FAIM2: variants seen among roughly 807,000 people sequenced by gnomAD.
The protein encoded by FAIM2 is protein lifeguard 2.
Under a neutral mutation model 47.4 loss-of-function variants are expected in FAIM2, and 27 were observed. The observed-to-expected ratio is 0.57, with a 90% CI of 0.42 to 0.78. The LOEUF (loss-of-function observed/expected upper bound fraction) is 0.78, where lower values mean the gene tolerates loss of function less well. Ranked by LOEUF, FAIM2 falls within the 30% of genes least tolerant of loss-of-function variation. The probability of loss-of-function intolerance (pLI) is 0.00; values close to 1 mark genes in which losing one functional copy is unlikely to be tolerated. For missense variants in FAIM2, 311 were observed against 389.4 expected, an observed-to-expected ratio of 0.80 and a Z score of 1.69; for synonymous variants, 156 against 159.3, an observed-to-expected ratio of 0.98 and a Z score of 0.16.
intron 2 of FAIM2, among the ~76,000 whole-genome samples, chr12:49,899,697 G>A (rs1175410161): frequency 9.9e-5 from 15 of 152,206 alleles, no homozygotes; most frequent in Non-Finnish European, 2.2e-4. Flanking sequence ...GGTTAGGTAA[G>A]GTGCTGAGGC....
chr12:49,879,274 ATATGTGTG>A lies in FAIM2; in HGVS notation c.801+8104_801+8111del, dbSNP rs749208534. Among the ~76,000 whole-genome samples, 159 of 51,450 alleles carry A rather than the reference ATATGTGTG, an allele frequency of 3.1e-3. 21 individuals are homozygous for A. The highest frequency in any genetic ancestry group is 8.2e-3 in the South Asian group (12 of 1,472). The allele number at this position is 51,450 out of a possible 152,430, so 33.8% of individuals were successfully genotyped here. A position where few individuals can be genotyped will look rare whatever the true frequency, so the allele number is the denominator to read the frequency against. ...TGCATGTGTGTATGTGTGCATGTGT[ATATGTGTG>A]TATGTGTGTGGGTATGTGTATGCAT... On this transcript the variant is annotated intron_variant, in intron 11 of 11. Transcript: ENST00000320634.
At chr12:49,875,908 G>A (rs570346246) in intron 11 of FAIM2, among the ~76,000 whole-genome samples, 53 of 152,202 alleles carry the variant, frequency 3.5e-4, no homozygotes, top group Middle Eastern at 3.4e-3. Context: ...CCCGGGAAGC[G>A]GAGGTTCCAG....
intron 11 of FAIM2, among the ~76,000 whole-genome samples, chr12:49,871,030 G>A (rs1946699084): frequency 6.6e-6 from 1 of 152,188 alleles, no homozygotes; most frequent in African/African-American, 2.4e-5. Context: ...AAGGCTTCCT[G>A]GGAGAGGGGA....
chr12:49,878,887 T>C (rs116857001), intron 11 of FAIM2, among the ~76,000 whole-genome samples: 17,855 of 116,300 alleles, frequency 0.15, 3,283 homozygotes, highest in African/African-American at 0.21. Context: ...TGTATGCATG[T>C]GTATATGTGC....
intron 7 of FAIM2, 126 bp from the exon 8 acceptor site, chr12:49,890,280 A>C (rs1420181718): frequency 2.1e-5 from 17 of 802,304 alleles, no homozygotes; most frequent in Middle Eastern, 2.3e-4. Context: ...TGTCACCCCC[A>C]CACACACTGA....
rs1946723186 is a variant in FAIM2, at chr12:49,874,526, C to A, written c.802-3873G>T. Reference sequence around the variant, plus strand: ...GCCAGTGCTAAACCTGGCCGGGGACCCCAGCCACACATTTGGCCTGACCCT... The same window carrying A: ...GCCAGTGCTAAACCTGGCCGGGGACACCAGCCACACATTTGGCCTGACCCT... On this transcript the variant is annotated intron_variant, in intron 11 of 11. Coordinates refer to ENST00000320634, the MANE Select transcript of FAIM2 (RefSeq NM_012306.4). This position sits in a 1 kb window ranked among gnomAD's most constrained non-coding sequence, Gnocchi z 4.2. Among the ~76,000 whole-genome samples the A allele has an allele frequency of 6.6e-6, 1 of 152,166 alleles. No homozygotes were observed. The highest frequency in any genetic ancestry group is 2.1e-4 in the South Asian group (1 of 4,820).
At chr12:49,885,276 G>A (rs548469151) in intron 11 of FAIM2, among the ~76,000 whole-genome samples, 2 of 152,166 alleles carry the variant, frequency 1.3e-5, no homozygotes, top group African/African-American at 4.8e-5. Context: ...CCTGATCCAC[G>A]GGAAGCCAAG....
intron 11 of FAIM2, among the ~76,000 whole-genome samples, chr12:49,879,706 G>A (rs117964043): frequency 8.7e-5 from 13 of 149,998 alleles, no homozygotes; most frequent in Admixed American, 4.0e-4. Context: ...GTGCATGTGT[G>A]TGTGTGTGTA....
intron 11 of FAIM2, among the ~76,000 whole-genome samples, chr12:49,886,617 G>A (rs542086961): frequency 6.6e-6 from 1 of 152,186 alleles, no homozygotes; most frequent in Non-Finnish European, 1.5e-5. Context: ...CTGGAATACA[G>A]GCGCCCGCCA....
intron 7 of FAIM2, 101 bp from the exon 8 acceptor site, chr12:49,890,255 T>A: frequency 9.4e-7 from 1 of 1,068,166 alleles, no homozygotes; most frequent in Non-Finnish European, 1.4e-6. Context: ...CAGGTACCCC[T>A]CAACTCTTTG....
At chr12:49,872,885 C>T (rs1164752059) in intron 11 of FAIM2, among the ~76,000 whole-genome samples, 1 of 152,194 alleles carries the variant, frequency 6.6e-6, no homozygotes, top group Admixed American at 6.5e-5. Flanking sequence ...AGGGGCCTGG[C>T]GTGGTGCCTG....
chr12:49,885,154 T>C (rs969771117), intron 11 of FAIM2, among the ~76,000 whole-genome samples: 1 of 152,214 alleles, frequency 6.6e-6, no homozygotes, highest in Non-Finnish European at 1.5e-5. Flanking sequence ...ATGGGGACTA[T>C]TGTTATTATT....
intron 2 of FAIM2, chr12:49,900,258 A>C: frequency 7.9e-7 from 1 of 1,268,888 alleles, no homozygotes. Context: ...ACTCCCTATG[A>C]GCAGAGGCTC....
intron 5 of FAIM2, among the ~76,000 whole-genome samples, chr12:49,895,738 C>T (rs1023800437): frequency 6.6e-6 from 1 of 152,196 alleles, no homozygotes; most frequent in South Asian, 2.1e-4. Flanking sequence ...AACTCTAGGC[C>T]CATCTCTGAG....
chr12:49,897,413 G>A (rs1335800375), intron 4 of FAIM2, 106 bp downstream of exon 4: 32 of 1,056,922 alleles, frequency 3.0e-5, no homozygotes, highest in Non-Finnish European at 4.5e-5. Flanking sequence ...TGCCCCACAG[G>A]CATCTCTCCA....
chr12:49,888,428 A>G (rs1030817739), intron 10 of FAIM2, among the ~76,000 whole-genome samples: 3 of 152,176 alleles, frequency 2.0e-5, no homozygotes, highest in African/African-American at 7.2e-5. Context: ...GGTGAGGGGT[A>G]TAAGCACTGG....
At chr12:49,901,022 C>G in intron 2 of FAIM2, 108 bp downstream of exon 2, 1 of 841,898 alleles carries the variant, frequency 1.2e-6, no homozygotes, top group Non-Finnish European at 1.7e-6. Flanking sequence ...CAGCTTCATA[C>G]AACCACACAG....
intron 11 of FAIM2, 75 bp from the exon 12 acceptor site, chr12:49,870,728 T>A (rs911745722): frequency 2.2e-5 from 32 of 1,479,790 alleles, no homozygotes; most frequent in Non-Finnish European, 2.9e-5. Flanking sequence ...AGCCCAGGTG[T>A]CCCCCTCAGC....
chr12:49,878,760 A>T (rs1261599813), intron 11 of FAIM2, among the ~76,000 whole-genome samples: 1 of 111,002 alleles, frequency 9.0e-6, no homozygotes, highest in Admixed American at 1.1e-4. Flanking sequence ...ATGTGTATAT[A>T]TTTATTTGTG....
Sources: gnomAD v4.1 joint callset for allele counts (sites outside exome capture counted in the v4.1 genomes callset) on GRCh38, gnomAD v4.1.1 for gene constraint, Gnocchi (gnomAD v3.1) non-coding constraint, MANE v1.5 for transcripts, NCBI Gene and HGNC (gene_info 2026-07-23, HGNC 2026-07-21) for gene names.